Variants in CDC14B observed in about 807,000 individuals in gnomAD.
CDC14B encodes cell division cycle 14B.
Under a neutral mutation model 64.2 loss-of-function variants are expected in CDC14B, and 22 were observed. The observed-to-expected ratio is 0.34, with a 90% CI of 0.24 to 0.49. CDC14B has a LOEUF of 0.49. CDC14B is among the 20% of genes least tolerant of loss of function. CDC14B has a pLI of 0.99. For missense variants in CDC14B, 498 were observed against 629.9 expected (o/e 0.79, Z 2.24); for synonymous variants, 191 against 215.8 (o/e 0.89, Z 1.01).
intron 4 of CDC14B, among the ~76,000 whole-genome samples, chr9:96,555,085 G>C (rs1842326618): frequency 6.6e-6 from 1 of 152,200 alleles, no homozygotes; most frequent in Non-Finnish European, 1.5e-5. Context: ...GAGAGCTGCT[G>C]ACCAGCTGTG....
chr9:96,509,942 T>G (rs552470776), intron 12 of CDC14B, among the ~76,000 whole-genome samples, 153 bp from the exon 13 acceptor site: 2 of 152,336 alleles, frequency 1.3e-5, no homozygotes, highest in South Asian at 4.1e-4. Flanking sequence ...TGAAACACAT[T>G]TTCACATCAA....
chr9:96,542,722 C>T (rs1303420278), intron 5 of CDC14B, among the ~76,000 whole-genome samples: 3 of 151,962 alleles, frequency 2.0e-5, no homozygotes, highest in Middle Eastern at 3.4e-3. Context: ...CTTAAACTCC[C>T]GGCCTCTGCC....
rs200699140 is a variant in CDC14B, at chr9:96,523,797, TTTTTTTAAAA to T, written c.947-82_947-73del. 2,349 of 1,521,738 alleles carry T rather than the reference TTTTTTTAAAA, an allele frequency of 1.5e-3. 41 individuals are homozygous for T. The African/African-American group carries it at 0.027, about 17-fold the overall frequency. The allele number at this position is 1,521,738 out of a possible 1,614,324, so 94.3% of individuals were successfully genotyped here. On this transcript the variant is annotated intron_variant, in intron 9 of 13. Transcript: ENST00000375241. ...CCAGGATTTTGTTGGGCAGGCAGAA[TTTTTTTAAAA>T]GGCTTCTCATGACTCTGCTTCTTTC...
In CDC14B at chr9:96,565,479, G is replaced by T; in HGVS notation, c.165C>A (p.Arg55=). The change falls in exon 2 of 14, where the codon CGC becomes CGA. Residue 55 remains arginine, a synonymous_variant. Transcript: ENST00000375241. The part of the protein sequence containing the change: ...QDDVYLDITD[R]LCFAILYSRP... Reference sequence around the variant, plus strand: ...TGCTGTAGAGAATGGCAAAACAAAGGCGATCTGAAATGGAAAAATTGCAAT... The same window carrying T: ...TGCTGTAGAGAATGGCAAAACAAAGTCGATCTGAAATGGAAAAATTGCAAT... 1.2e-6 allele frequency: 2 copies of T among 1,607,250 alleles called. No individual in the cohort carries two copies. The highest frequency in any genetic ancestry group is 1.7e-6 in the Non-Finnish European group (2 of 1,173,846).
intron 1 of CDC14B, among the ~76,000 whole-genome samples, chr9:96,607,523 C>T (rs1847045868): frequency 6.6e-6 from 1 of 151,134 alleles, no homozygotes; most frequent in African/African-American, 2.4e-5. Context: ...AGGGTTCACG[C>T]CATTCTCCTG....
rs372575777 is a variant in CDC14B at position 96,569,161 on chromosome 9, T to G, written c.161-3678A>C. On this transcript the variant is annotated intron_variant, in intron 1 of 13. Transcript: ENST00000375241. ...ACAGCTTTTGCATTGTACGATGTATTACCTATTCAAAATTACACTGCTTCT... is the reference window on the plus strand; with the variant it reads ...ACAGCTTTTGCATTGTACGATGTATGACCTATTCAAAATTACACTGCTTCT... Among the ~76,000 whole-genome samples the G allele has an allele frequency of 2.6e-5, 4 of 152,198 alleles. No homozygotes were observed. In the South Asian group the frequency reaches 8.3e-4, roughly 31 times the overall value.
intron 12 of CDC14B, chr9:96,514,993 T>G: frequency 1.1e-6 from 1 of 923,920 alleles, no homozygotes; most frequent in Non-Finnish European, 1.3e-6. Flanking sequence ...CATATGGAAA[T>G]GCACCAATTT....
At chr9:96,530,088 G>C (rs1346448797) in intron 9 of CDC14B, among the ~76,000 whole-genome samples, 1 of 151,796 alleles carries the variant, frequency 6.6e-6, no homozygotes, top group East Asian at 1.9e-4. Context: ...TCATCTCCTT[G>C]GTTAATTCCC....
chr9:96,495,347 G>A (rs1030049900), downstream of CDC14B, among the ~76,000 whole-genome samples: 1 of 152,070 alleles, frequency 6.6e-6, no homozygotes, highest in Non-Finnish European at 1.5e-5. Context: ...AGGGACTGAG[G>A]GCGCCTTCAG....
chr9:96,552,777 T>C (rs931813333), intron 4 of CDC14B, among the ~76,000 whole-genome samples: 4 of 152,124 alleles, frequency 2.6e-5, no homozygotes, highest in Non-Finnish European at 4.4e-5. Flanking sequence ...TGCAGGGCCC[T>C]TTCAACTAAT....
intron 13 of CDC14B, among the ~76,000 whole-genome samples, chr9:96,506,234 T>C (rs1163359065): frequency 6.6e-6 from 1 of 152,152 alleles, no homozygotes; most frequent in African/African-American, 2.4e-5. Context: ...ATACTTTAAA[T>C]TTACTCAACA....
chr9:96,545,141 A>G (rs1840620571), intron 5 of CDC14B, among the ~76,000 whole-genome samples: 1 of 152,142 alleles, frequency 6.6e-6, no homozygotes, highest in South Asian at 2.1e-4. Flanking sequence ...AATCAACACA[A>G]ATCCTGGTTT....
rs1005367205 is a variant in CDC14B, at chr9:96,515,622, G to A, written c.1344-5833C>T. ...ACACTAGGCACCAGAAGTAAGCAAC[G>A]GCAGAGAAACAGAACGGGACACTTA... is the stretch of plus-strand genomic sequence containing the variant. On this transcript the variant is annotated intron_variant, in intron 12 of 13. Transcript: ENST00000375241. The surrounding 1 kb of genome is among the most constrained non-coding windows in gnomAD (Gnocchi z 4.3). 12 of 1,542,858 alleles carry A rather than the reference G, an allele frequency of 7.8e-6. No individual in the cohort carries two copies. Among genetic ancestry groups the A allele is most frequent in the South Asian group, 2.4e-5 (2 of 82,516 alleles).
intron 1 of CDC14B, among the ~76,000 whole-genome samples, chr9:96,610,213 T>A (rs978557660): frequency 6.6e-6 from 1 of 152,306 alleles, no homozygotes; most frequent in Non-Finnish European, 1.5e-5. Flanking sequence ...TTATTTATTT[T>A]TTGAGATGGA....
chr9:96,497,320 G>A (rs1833298167), downstream of CDC14B, among the ~76,000 whole-genome samples: 2 of 152,024 alleles, frequency 1.3e-5, no homozygotes, highest in Admixed American at 1.3e-4. Flanking sequence ...GCAGAGGCGG[G>A]AGGCCCCCCA....
intron 1 of CDC14B, among the ~76,000 whole-genome samples, chr9:96,571,169 CG>C (rs1312149468): frequency 2.7e-5 from 4 of 149,740 alleles, no homozygotes; most frequent in Non-Finnish European, 4.4e-5. Flanking sequence ...AAAATTATAA[CG>C]AAAAAAAAAT....
chr9:96,551,958 C>A (rs1841899688), intron 4 of CDC14B, 86 bp from the exon 5 acceptor site: 3 of 1,499,632 alleles, frequency 2.0e-6, no homozygotes, highest in Non-Finnish European at 2.7e-6. Context: ...TGTCCAATTT[C>A]CAACCAACTG....
chr9:96,610,052 C>G (rs1390317406), intron 1 of CDC14B, among the ~76,000 whole-genome samples: 1 of 151,724 alleles, frequency 6.6e-6, no homozygotes, highest in Non-Finnish European at 1.5e-5. Flanking sequence ...TATAAAAGAC[C>G]AAGAGATTAA....
intron 5 of CDC14B, among the ~76,000 whole-genome samples, chr9:96,547,465 TAAA>T (rs79522611): frequency 7.1e-6 from 1 of 140,152 alleles, no homozygotes. Flanking sequence ...GAGTCTGTCT[TAAA>T]AAAAAAAAAA....
Sources: allele counts gnomAD v4.1 joint callset (sites outside exome capture counted in the v4.1 genomes callset), GRCh38; gene constraint gnomAD v4.1.1; non-coding constraint Gnocchi (gnomAD v3.1); transcripts MANE v1.5; gene names NCBI Gene and HGNC (gene_info 2026-07-23, HGNC 2026-07-21).